The following MCF2L variants were observed in gnomAD, a reference collection of about 807,000 sequenced individuals.
MCF2L encodes the protein MCF.2 cell line derived transforming sequence like.
In MCF2L, 97 loss-of-function variants were observed where a neutral mutation model predicts 153.4. The observed-to-expected ratio is 0.63, with a 90% CI of 0.54 to 0.75. The LOEUF (loss-of-function observed/expected upper bound fraction) is 0.75, where lower values mean the gene tolerates loss of function less well. Among genes scored for constraint, MCF2L ranks in the 30% least tolerant of loss-of-function variants. The pLI is 0.00. For missense variants in MCF2L, 1,347 were observed against 1,495.2 expected, an observed-to-expected ratio of 0.90 and a Z score of 1.64; for synonymous variants, 659 against 632.2, an observed-to-expected ratio of 1.04 and a Z score of -0.64.
chr13:113,046,752 G>A lies in MCF2L; in HGVS notation c.369+1391G>A, dbSNP rs917803182. 3.9e-5 allele frequency: 18 copies of A among 464,104 alleles called. No homozygotes were observed. Among genetic ancestry groups the A allele is most frequent in the African/African-American group, 1.8e-4 (9 of 49,390 alleles). 28.7% of individuals were successfully genotyped at this position (464,104 alleles called of 1,614,324 possible). ...CTGCCCCTCGCCGCGGCGGATCCCC[G>A]TTCCTGACCCTGACTCAACCTGGCA... On this transcript the variant is annotated intron_variant, in intron 4 of 29. Coordinates refer to ENST00000535094, the MANE Select transcript of MCF2L (RefSeq NM_001112732.3). The surrounding 1 kb of genome is among the most constrained non-coding windows in gnomAD (Gnocchi z 4.4).
At chr13:113,088,481 C>T (rs1595008143) in intron 24 of MCF2L, 76 bp downstream of exon 24, 1 of 1,605,066 alleles carries the variant, frequency 6.2e-7, no homozygotes, top group African/African-American at 1.3e-5. Flanking sequence ...AGAGCAACCG[C>T]ACAGTCCCCC....
intron 2 of MCF2L, among the ~76,000 whole-genome samples, chr13:112,958,598 T>G (rs2081786659): frequency 6.6e-6 from 1 of 152,158 alleles, no homozygotes; most frequent in African/African-American, 2.4e-5. Context: ...CTTCCTCATT[T>G]CCCTGAAATG....
chr13:112,910,064 T>C (rs1254600065), intron 2 of MCF2L: 1 of 152,256 alleles, frequency 6.6e-6, no homozygotes, highest in East Asian at 1.9e-4. Context: ...TATCTATGCA[T>C]CTGTCTTACA....
chr13:113,050,746 G>GTGGC (rs2087234211), intron 4 of MCF2L, among the ~76,000 whole-genome samples: 4 of 30,806 alleles, frequency 1.3e-4, no homozygotes, highest in South Asian at 1.6e-3. Flanking sequence ...GGGGGGAGCG[G>GTGGC]GGGGGTGCGG....
intron 3 of MCF2L, among the ~76,000 whole-genome samples, chr13:113,026,554 C>T (rs1304119435): frequency 6.6e-6 from 1 of 152,222 alleles, no homozygotes; most frequent in Non-Finnish European, 1.5e-5. Flanking sequence ...CGTATACCAT[C>T]ACTGCGCATG....
chr13:112,916,709 C>T (rs1391057354), intron 2 of MCF2L, among the ~76,000 whole-genome samples: 4 of 152,136 alleles, frequency 2.6e-5, no homozygotes, highest in Non-Finnish European at 5.9e-5. Context: ...CTCTGAGCCA[C>T]AGTGGTCCTC....
intron 13 of MCF2L, among the ~76,000 whole-genome samples, chr13:113,077,971 G>T (rs1294633886): frequency 6.6e-6 from 1 of 152,228 alleles, no homozygotes; most frequent in African/African-American, 2.4e-5. Flanking sequence ...GGAGCCCACA[G>T]GCGCTGTGTC....
At chr13:112,915,323 C>T (rs762818728) in intron 2 of MCF2L, among the ~76,000 whole-genome samples, 13 of 148,064 alleles carry the variant, frequency 8.8e-5, no homozygotes, top group Non-Finnish European at 1.8e-4. Context: ...GCAGGAGAAT[C>T]GCTTGAACCC....
intron 26 of MCF2L, 121 bp downstream of exon 26, chr13:113,089,849 A>G (rs1395774285): frequency 6.2e-7 from 1 of 1,612,468 alleles, no homozygotes; most frequent in Non-Finnish European, 8.5e-7. Flanking sequence ...CAGAGCATTC[A>G]GGGCCCCTTG....
At chr13:112,931,117 T>C (rs959322374) in intron 2 of MCF2L, among the ~76,000 whole-genome samples, 2 of 152,188 alleles carry the variant, frequency 1.3e-5, no homozygotes, top group Admixed American at 6.5e-5. Context: ...CTGTGTCTTC[T>C]GGGGCCTCCC....
intron 26 of MCF2L, chr13:113,091,087 C>T (rs760881708): frequency 7.7e-6 from 10 of 1,303,590 alleles, no homozygotes. Context: ...CACTCTCTCT[C>T]CGGTTGTATT....
At position 113,084,919 on chromosome 13, in the gene MCF2L, T is replaced by C; in HGVS notation, c.2089T>C (p.Tyr697His). ...RMEDFQIYEK[Y>H]CQNKPRSESL... The stretch of plus-strand genomic sequence containing the variant: ...GGAAGATTTCCAGATCTATGAGAAG[T>C]ACTGTCAGAACAAGCCCCGCTCTGA... The change falls in exon 19 of 30, where the codon TAC becomes CAC. Residue 697 changes from tyrosine to histidine, a missense_variant. Physicochemically the swap from Tyr to His is moderately conservative, Grantham distance 83. This residue lies in a region of MCF2L where 144 missense variants were observed against 238.7 expected (regional missense o/e 0.60). Transcript: ENST00000535094. 2 of 1,614,008 alleles carry C rather than the reference T, an allele frequency of 1.2e-6. No individual in the cohort carries two copies. The highest frequency in any genetic ancestry group is 1.7e-6 in the Non-Finnish European group (2 of 1,179,982).
intron 15 of MCF2L, among the ~76,000 whole-genome samples, chr13:113,079,732 T>C (rs1024870581): frequency 6.6e-6 from 1 of 151,926 alleles, no homozygotes; most frequent in African/African-American, 2.4e-5. Context: ...CCAAGAAGCG[T>C]CCAGGCAGAG....
At position 112,969,269 on chromosome 13, in the gene MCF2L, G is replaced by T; in HGVS notation, c.-111G>T. 6.8e-7 allele frequency: 1 copy of T among 1,480,062 alleles called. No homozygotes were observed. Among genetic ancestry groups the T allele is most frequent in the Admixed American group, 2.1e-5 (1 of 47,194 alleles). The allele number at this position is 1,480,062 out of a possible 1,614,324, so 91.7% of individuals were successfully genotyped here. A position where few individuals can be genotyped will look rare whatever the true frequency, so the allele number is the denominator to read the frequency against. On this transcript the variant is annotated 5_prime_UTR_variant, in exon 1 of 30. Coordinates refer to ENST00000535094, the MANE Select transcript of MCF2L (RefSeq NM_001112732.3). This position sits in a 1 kb window ranked among gnomAD's most constrained non-coding sequence, Gnocchi z 4.8. ...GCTGGAGGCTGAAAGCGCTGCCGTG[G>T]CCCCCTCCCCGCCTCCGCCGCGCCC...
chr13:112,954,800 A>G (rs979746093), intron 2 of MCF2L, among the ~76,000 whole-genome samples: 1 of 152,212 alleles, frequency 6.6e-6, no homozygotes, highest in Non-Finnish European at 1.5e-5. Flanking sequence ...TTTGCTGTGA[A>G]AAGAGAAAAG....
chr13:113,095,443 A>T (rs899090514), intron 27 of MCF2L: 1 of 1,081,938 alleles, frequency 9.2e-7, no homozygotes, highest in African/African-American at 1.7e-5. Context: ...GCAGGAGGGG[A>T]AACAGGCTGG....
intron 2 of MCF2L, chr13:112,902,412 C>G (rs2081128503): frequency 6.3e-7 from 1 of 1,594,072 alleles, no homozygotes; most frequent in Non-Finnish European, 8.6e-7. Context: ...TTTTGCAGGT[C>G]TCACTGCTGA....
chr13:112,939,197 A>C (rs962135547), intron 2 of MCF2L, among the ~76,000 whole-genome samples: 1 of 152,150 alleles, frequency 6.6e-6, no homozygotes, highest in Admixed American at 6.5e-5. Flanking sequence ...ATTTTGTTTT[A>C]TAGTCTGAGC....
intron 5 of MCF2L, chr13:113,063,778 C>T: frequency 2.2e-6 from 1 of 445,950 alleles, no homozygotes; most frequent in Non-Finnish European, 4.5e-6. Context: ...CTGAGTTCAG[C>T]ACACGGCACT....
Sources: gnomAD v4.1 joint callset for allele counts (sites outside exome capture counted in the v4.1 genomes callset) on GRCh38, gnomAD v4.1.1 for gene constraint, gnomAD v4.1.1 regional missense constraint, Gnocchi (gnomAD v3.1) non-coding constraint, MANE v1.5 for transcripts, NCBI Gene and HGNC (gene_info 2026-07-23, HGNC 2026-07-21) for gene names.